The following KIF27 variants were observed in gnomAD, a reference collection of about 807,000 sequenced individuals.
KIF27 encodes kinesin family member 27.
A neutral mutation model predicts 141.8 loss-of-function variants in KIF27; 84 were observed. The ratio of observed to expected loss-of-function variants is 0.59; its 90% CI spans 0.50 to 0.71. The LOEUF is 0.71. Among genes scored for constraint, KIF27 ranks in the 30% least tolerant of loss-of-function variants. The probability of loss-of-function intolerance (pLI) is 0.00; values close to 1 mark genes in which losing one functional copy is unlikely to be tolerated. For synonymous variants in KIF27, 471 were observed against 569.5 expected (o/e 0.83, Z 2.46); for missense variants, 1,306 against 1,628.4 (o/e 0.80, Z 3.41).
At position 83,850,253 on chromosome 9, in the gene KIF27, A is replaced by G. The variant is rs1564293379; in HGVS notation, c.3402T>C (p.Asn1134=). ...CCAGAACTTTCATTTTCATTTCTTC[A>G]TTATATAACTGTTGTTTCCGTTCAG... ...REAERKQQLY[N]EEMKMKVLER... Residue 1134 remains asparagine (N), a synonymous_variant, in exon 16 of 18, where the codon AAT becomes AAC. Coordinates refer to ENST00000297814, the MANE Select transcript of KIF27 (RefSeq NM_017576.4). The G allele has an allele frequency of 2.5e-6, 4 of 1,613,720 alleles. No individual in the cohort carries two copies. The highest frequency in any genetic ancestry group is 3.4e-6 in the Non-Finnish European group (4 of 1,179,780).
chr9:83,920,156 G>A (rs1361742404), intron 1 of KIF27, among the ~76,000 whole-genome samples: 6 of 152,140 alleles, frequency 3.9e-5, no homozygotes, highest in Middle Eastern at 3.2e-3. Flanking sequence ...GCTTGAGCCC[G>A]GGAGGTTGAG....
intron 10 of KIF27, among the ~76,000 whole-genome samples, chr9:83,881,232 C>T (rs1951651969): frequency 6.6e-6 from 1 of 152,078 alleles, no homozygotes; most frequent in Non-Finnish European, 1.5e-5. Flanking sequence ...AAAGTGTTCA[C>T]ACCACTAATA....
At position 83,836,712 on chromosome 9, in the gene KIF27, T is replaced by C. The variant is rs1945887534; in HGVS notation, c.*289A>G. The C allele has an allele frequency of 1.0e-5, 3 of 289,590 alleles. No homozygotes were observed. In the Admixed American group the frequency reaches 1.4e-4, roughly 14 times the overall value. The allele number at this position is 289,590 out of a possible 1,614,324, so 17.9% of individuals were successfully genotyped here. On this transcript the variant is annotated 3_prime_UTR_variant, in exon 18 of 18. Transcript: ENST00000297814. ...CTTGATAGATATTTTAGTCTATTAC[T>C]AGTTTTAATCTTCAAATATGCCTGG...
intron 16 of KIF27, among the ~76,000 whole-genome samples, chr9:83,848,443 G>T: frequency 7.4e-6 from 1 of 134,414 alleles, no homozygotes. Flanking sequence ...TATCATATAT[G>T]CTATATGTAT....
chr9:83,908,546 A>G lies in KIF27; in HGVS notation c.405T>C (p.Tyr135=), dbSNP rs1308290119. 4.3e-6 allele frequency: 7 copies of G among 1,610,396 alleles called. No homozygotes were observed. The highest frequency in any genetic ancestry group is 5.9e-6 in the Non-Finnish European group (7 of 1,176,914). The change falls in exon 3 of 18, where the codon TAT becomes TAC. Residue 135 remains tyrosine, a synonymous_variant. Transcript: ENST00000297814. ...PSIDFNVKVS[Y]IEVYKEDLRD... ...TTAGGTCTTCCTTGTACACTTCTAT[A>G]TAAGATACTTTTACATTAAAGTCAA...
At chr9:83,911,850 T>C (rs1323949794) in intron 2 of KIF27, among the ~76,000 whole-genome samples, 1 of 152,144 alleles carries the variant, frequency 6.6e-6, no homozygotes, top group Non-Finnish European at 1.5e-5. Flanking sequence ...ATGAAATACC[T>C]AGAATAGGCA....
At chr9:83,907,927 C>T (rs1366497800) in intron 3 of KIF27, among the ~76,000 whole-genome samples, 2 of 152,158 alleles carry the variant, frequency 1.3e-5, no homozygotes, top group Non-Finnish European at 2.9e-5. Context: ...ATAACTTCAC[C>T]TTACCAACCA....
chr9:83,890,829 T>C (rs1034471931), intron 6 of KIF27, among the ~76,000 whole-genome samples: 2 of 152,200 alleles, frequency 1.3e-5, no homozygotes, highest in African/African-American at 4.8e-5. Context: ...GTGTATATAT[T>C]TACCAACCAC....
At chr9:83,887,712 C>CTAG (rs1452190688) in intron 8 of KIF27, among the ~76,000 whole-genome samples, 1 of 151,928 alleles carries the variant, frequency 6.6e-6, no homozygotes, top group African/African-American at 2.4e-5. Flanking sequence ...AAGGAAGGAA[C>CTAG]TAGTGTAAGC....
intron 14 of KIF27, among the ~76,000 whole-genome samples, chr9:83,857,174 A>T (rs890948583): frequency 6.6e-5 from 10 of 152,028 alleles, no homozygotes; most frequent in Non-Finnish European, 1.2e-4. Context: ...ATCCATTTCC[A>T]TAAAGTAATA....
Position 83,895,858 on chromosome 9 carries a change from G to T in KIF27, c.1602+3803C>A, listed in dbSNP as rs533825205. Among the ~76,000 whole-genome samples the T allele has an allele frequency of 1.4e-4, 22 of 152,102 alleles. No homozygotes were observed. In the East Asian group the frequency reaches 4.3e-3, roughly 29 times the overall value. ...AGATCATTTGAGGTCAGGAGTGATT[G>T]ACTGACATGTTGAAACCCTGTCTCT... On this transcript the variant is annotated intron_variant, in intron 5 of 17. Coordinates refer to ENST00000297814, the MANE Select transcript of KIF27 (RefSeq NM_017576.4).
At chr9:83,853,882 T>G in intron 14 of KIF27, 47 bp from the exon 15 acceptor site, 2 of 1,369,444 alleles carry the variant, frequency 1.5e-6, no homozygotes, top group Non-Finnish European at 2.1e-6. Flanking sequence ...AGTATAACTT[T>G]GACTTTGTCA....
chr9:83,919,477 G>A (rs929984680), intron 1 of KIF27, among the ~76,000 whole-genome samples: 1 of 152,122 alleles, frequency 6.6e-6, no homozygotes, highest in Admixed American at 6.5e-5. Context: ...GTGAGGTTAG[G>A]TTCTTTGGAA....
intron 5 of KIF27, among the ~76,000 whole-genome samples, chr9:83,899,162 G>A (rs1953584851): frequency 6.6e-6 from 1 of 152,222 alleles, no homozygotes; most frequent in Admixed American, 6.5e-5. Context: ...CACAGCCAGG[G>A]AGTTTAATAT....
intron 1 of KIF27, among the ~76,000 whole-genome samples, chr9:83,917,698 A>T (rs10868071): frequency 0.3 from 44,862 of 152,046 alleles, 6,976 homozygotes; most frequent in African/African-American, 0.39. Flanking sequence ...AGACAATTCA[A>T]CTGAAGTATA....
intron 4 of KIF27, 129 bp downstream of exon 4, chr9:83,902,927 CAAAT>C (rs1954078802): frequency 1.9e-6 from 1 of 539,086 alleles, no homozygotes; most frequent in Non-Finnish European, 3.1e-6. Flanking sequence ...TTTACTTGCC[CAAAT>C]AAATTTAGTC....
chr9:83,889,473 C>G (rs2132340846), intron 6 of KIF27, among the ~76,000 whole-genome samples: 2 of 152,322 alleles, frequency 1.3e-5, no homozygotes, highest in South Asian at 4.1e-4. Context: ...ACAGCTCCTT[C>G]TCTTCTGGAC....
chr9:83,859,593 G>A, intron 13 of KIF27: 2 of 484,936 alleles, frequency 4.1e-6, no homozygotes, highest in Non-Finnish European at 7.4e-6. Context: ...GTGCAATGGT[G>A]CAACCTCAGC....
rs1588099464 is a variant in KIF27 at position 83,870,458 on chromosome 9, T to C, written c.2757+61A>G. On this transcript the variant is annotated intron_variant, in intron 12 of 17. Coordinates refer to ENST00000297814, the MANE Select transcript of KIF27 (RefSeq NM_017576.4). Reference sequence around the variant, plus strand: ...CTAGGATTACAGGTGTGAGTTTACCTCTATTTAGACAACCATCAGATTGAA... The same window carrying C: ...CTAGGATTACAGGTGTGAGTTTACCCCTATTTAGACAACCATCAGATTGAA... 26 of 1,597,972 alleles carry C rather than the reference T, an allele frequency of 1.6e-5. No homozygotes were observed. In the East Asian group the frequency reaches 5.6e-4, roughly 35 times the overall value.
Sources: allele counts gnomAD v4.1 joint callset (sites outside exome capture counted in the v4.1 genomes callset), GRCh38; gene constraint gnomAD v4.1.1; transcripts MANE v1.5; gene names NCBI Gene and HGNC (gene_info 2026-07-23, HGNC 2026-07-21).